Variants in CARS2 observed in about 807,000 individuals in gnomAD.
The protein encoded by CARS2 is probable cysteine--tRNA ligase, mitochondrial.
A neutral mutation model predicts 68.8 loss-of-function variants in CARS2; 52 were observed. The observed-to-expected ratio is 0.76, with a 90% CI of 0.61 to 0.95. The LOEUF (loss-of-function observed/expected upper bound fraction) is 0.95. Ranked by LOEUF, CARS2 falls within the 40% of genes least tolerant of loss-of-function variation. CARS2 has a pLI of 0.00. For missense variants in CARS2, 780 were observed against 754.2 expected, an observed-to-expected ratio of 1.03 and a Z score of -0.40; for synonymous variants, 314 against 303.6, an observed-to-expected ratio of 1.03 and a Z score of -0.36.
chr13:110,645,681 G>A, intron 12 of CARS2: 2 of 349,728 alleles, frequency 5.7e-6, no homozygotes, highest in Non-Finnish European at 1.0e-5. Context: ...ATGCAGTGGG[G>A]ACATGAGATG....
chr13:110,661,454 G>A (rs1000478005), intron 9 of CARS2, among the ~76,000 whole-genome samples: 2 of 152,184 alleles, frequency 1.3e-5, no homozygotes, highest in Non-Finnish European at 2.9e-5. Flanking sequence ...GGAATGTTGT[G>A]GCTGGTTTGA....
chr13:110,713,030 C>T (rs1470070197), intron 1 of CARS2: 21 of 1,492,020 alleles, frequency 1.4e-5, no homozygotes, highest in Non-Finnish European at 1.9e-5. Context: ...CGAGAGGGTG[C>T]CAGTGCGCAT....
At position 110,670,644 on chromosome 13, in the gene CARS2, G is replaced by A. The variant is rs1285343210; in HGVS notation, c.786-3171C>T. Reference sequence around the variant, plus strand: ...AAAGCTGAAAATTCTAAAAATCAGAGCGCCTCTTCTCCTCCAAAGAAACGC... The same window carrying A: ...AAAGCTGAAAATTCTAAAAATCAGAACGCCTCTTCTCCTCCAAAGAAACGC... On this transcript the variant is annotated intron_variant, in intron 7 of 14. Coordinates refer to ENST00000257347, the MANE Select transcript of CARS2 (RefSeq NM_024537.4). The surrounding 1 kb of genome is among the most constrained non-coding windows in gnomAD (Gnocchi z 4.1). Among the ~76,000 whole-genome samples the A allele has an allele frequency of 1.3e-5, 2 of 152,218 alleles. No individual in the cohort carries two copies. Among genetic ancestry groups the A allele is most frequent in the Non-Finnish European group, 2.9e-5 (2 of 68,038 alleles).
Position 110,646,249 on chromosome 13 carries a change from A to G in CARS2, c.1194-159T>C. 4 of 728,420 alleles carry G rather than the reference A, an allele frequency of 5.5e-6. No individual in the cohort carries two copies. In the South Asian group the frequency reaches 8.5e-5, roughly 16 times the overall value. The allele number at this position is 728,420 out of a possible 1,614,324, so 45.1% of individuals were successfully genotyped here. A position where few individuals can be genotyped will look rare whatever the true frequency, so the allele number is the denominator to read the frequency against. On this transcript the variant is annotated intron_variant, in intron 11 of 14. Coordinates refer to ENST00000257347, the MANE Select transcript of CARS2 (RefSeq NM_024537.4). ...GACTTGAGTTCCTGAGTAGCAGAAA[A>G]TTATGTAACATCAACTGCAAACTGT...
chr13:110,652,263 C>T (rs1161383539), intron 9 of CARS2, among the ~76,000 whole-genome samples: 1 of 152,266 alleles, frequency 6.6e-6, no homozygotes, highest in Admixed American at 6.5e-5. Context: ...CATCAGAGCT[C>T]AGATACCCAC....
chr13:110,643,008 C>A, intron 13 of CARS2: 1 of 350,070 alleles, frequency 2.9e-6, no homozygotes, highest in Non-Finnish European at 5.6e-6. Context: ...GAGAACAGAT[C>A]CTGGGGCGGT....
chr13:110,642,803 G>A (rs562110121), intron 13 of CARS2: 40 of 682,974 alleles, frequency 5.9e-5, no homozygotes, highest in African/African-American at 4.2e-4. Context: ...ATGCCGCCCC[G>A]CCCTGAACAC....
At chr13:110,662,317 CT>C (rs2062531054) in intron 9 of CARS2, among the ~76,000 whole-genome samples, 2 of 148,316 alleles carry the variant, frequency 1.3e-5, no homozygotes, top group African/African-American at 5.0e-5. Flanking sequence ...CCATGGCCGG[CT>C]TCGGACCCCC....
intron 6 of CARS2, among the ~76,000 whole-genome samples, chr13:110,681,761 C>CA (rs1200709343): frequency 6.6e-6 from 1 of 152,196 alleles, no homozygotes; most frequent in African/African-American, 2.4e-5. Context: ...AACGAGCTCT[C>CA]AGCCATGAAA....
intron 2 of CARS2, among the ~76,000 whole-genome samples, 176 bp from the exon 3 acceptor site, chr13:110,701,731 C>T (rs899935873): frequency 3.9e-5 from 6 of 152,184 alleles, no homozygotes; most frequent in Admixed American, 2.0e-4. Flanking sequence ...AGGGCCTGCG[C>T]CACAAGGGTT....
intron 2 of CARS2, among the ~76,000 whole-genome samples, chr13:110,703,233 C>T (rs1021003615): frequency 2.0e-5 from 3 of 152,236 alleles, no homozygotes; most frequent in African/African-American, 7.2e-5. Flanking sequence ...CTTTCTGCAG[C>T]AGGCACTGTG....
chr13:110,698,089 C>T lies in CARS2; in HGVS notation c.393+3349G>A, dbSNP rs1042498262. 1.7e-5 allele frequency: 7 copies of T among 404,608 alleles called. No individual in the cohort carries two copies. In the Admixed American group the frequency reaches 2.0e-4, roughly 11 times the overall value. 25.1% of individuals were successfully genotyped at this position (404,608 alleles called of 1,614,324 possible). On this transcript the variant is annotated intron_variant, in intron 3 of 14. Transcript: ENST00000257347. ...CAATCCAAATCTTTAGTCACTAGTTCCACCCCATTTCACAAAAGGAAGATG... is the reference window on the plus strand; with the variant it reads ...CAATCCAAATCTTTAGTCACTAGTTTCACCCCATTTCACAAAAGGAAGATG...
chr13:110,712,619 T>G, intron 1 of CARS2: 7 of 458,956 alleles, frequency 1.5e-5, no homozygotes, highest in African/African-American at 2.0e-5. Context: ...TCCGGGAGCT[T>G]TGGGAGGGTA....
intron 5 of CARS2, among the ~76,000 whole-genome samples, chr13:110,684,989 A>G (rs768606592): frequency 3.9e-5 from 6 of 152,200 alleles, no homozygotes; most frequent in Non-Finnish European, 7.3e-5. Flanking sequence ...TTATAATAAA[A>G]CACAGTAACA....
chr13:110,665,213 G>T lies in CARS2; in HGVS notation c.920-1695C>A. ...TATAATCCCAGCACTTTGGGAGGCA[G>T]AGGTGGCAGATCACTTGAGGTCAGG... is the stretch of plus-strand genomic sequence containing the variant. On this transcript the variant is annotated intron_variant, in intron 8 of 14. Coordinates refer to ENST00000257347, the MANE Select transcript of CARS2 (RefSeq NM_024537.4). The surrounding 1 kb of genome is among the most constrained non-coding windows in gnomAD (Gnocchi z 4.3). The T allele has an allele frequency of 1.1e-6, 1 of 943,378 alleles. No homozygotes were observed. Among genetic ancestry groups the T allele is most frequent in the Non-Finnish European group, 1.3e-6 (1 of 791,538 alleles). The allele number at this position is 943,378 out of a possible 1,614,324, so 58.4% of individuals were successfully genotyped here. A position where few individuals can be genotyped will look rare whatever the true frequency, so the allele number is the denominator to read the frequency against.
chr13:110,708,760 G>A (rs2064003451), upstream of CARS2, among the ~76,000 whole-genome samples: 1 of 151,092 alleles, frequency 6.6e-6, no homozygotes, highest in East Asian at 1.9e-4. Context: ...TTATTTTTAT[G>A]TATTTATTTT....
chr13:110,697,959 G>A (rs1314684545), intron 3 of CARS2: 3 of 455,912 alleles, frequency 6.6e-6, no homozygotes, highest in Non-Finnish European at 1.3e-5. Context: ...CCATTCCTTT[G>A]ACTCATGCCT....
At position 110,701,536 on chromosome 13, in the gene CARS2, T is replaced by C; in HGVS notation, c.295A>G (p.Ile99Val). The part of the protein sequence containing the change: ...GHACSYVRFD[I>V]IRRILTKVFG... Reference sequence around the variant, plus strand: ...ACCTTGGTTAGGATCCTTCGAATGATATCAAATCTAACATATGAGCTGAAA... The same window carrying C: ...ACCTTGGTTAGGATCCTTCGAATGACATCAAATCTAACATATGAGCTGAAA... The change falls in exon 3 of 15, where the codon ATC becomes GTC. Residue 99 changes from isoleucine to valine, a missense_variant. Ile to Val is a conservative substitution (Grantham distance 29). Coordinates refer to ENST00000257347, the MANE Select transcript of CARS2 (RefSeq NM_024537.4). 6.5e-7 allele frequency: 1 copy of C among 1,537,324 alleles called. No homozygotes were observed. The highest frequency in any genetic ancestry group is 9.0e-7 in the Non-Finnish European group (1 of 1,109,932).
intron 1 of CARS2, chr13:110,712,971 G>T (rs761795696): frequency 1.3e-6 from 2 of 1,559,264 alleles, no homozygotes; most frequent in East Asian, 2.4e-5. Context: ...GTCCGGCCGC[G>T]GAATGGGTAG....
Sources: gnomAD v4.1 joint callset for allele counts (sites outside exome capture counted in the v4.1 genomes callset) on GRCh38, gnomAD v4.1.1 for gene constraint, Gnocchi (gnomAD v3.1) non-coding constraint, MANE v1.5 for transcripts, NCBI Gene and HGNC (gene_info 2026-07-23, HGNC 2026-07-21) for gene names.